Variants in ARHGEF11 observed in about 807,000 individuals in gnomAD.
The protein encoded by ARHGEF11 is Rho guanine exchange factor (GEF) 11.
Under a neutral mutation model 193.7 loss-of-function variants are expected in ARHGEF11, and 55 were observed. The ratio of observed to expected loss-of-function variants is 0.28; its 90% CI spans 0.23 to 0.36. The LOEUF is 0.36. Ranked by LOEUF, ARHGEF11 falls within the 10% of genes least tolerant of loss-of-function variation. ARHGEF11 has a pLI of 1.00. For missense variants in ARHGEF11, 1,723 were observed against 2,005.6 expected (o/e 0.86, Z 2.69); for synonymous variants, 693 against 768.0 (o/e 0.90, Z 1.62).
chr1:156,962,908 A>AAAT (rs1661159609), intron 13 of ARHGEF11, among the ~76,000 whole-genome samples: 1 of 146,036 alleles, frequency 6.8e-6, no homozygotes. Flanking sequence ...AAAAAAAAAA[A>AAAT]CTCTAGGAAG....
chr1:157,044,686 A>C lies in ARHGEF11; in HGVS notation c.-356T>G. The C allele has an allele frequency of 2.3e-6, 1 of 430,374 alleles. No individual in the cohort carries two copies. The highest frequency in any genetic ancestry group is 8.3e-5 in the South Asian group (1 of 12,096). 26.7% of individuals were successfully genotyped at this position (430,374 alleles called of 1,614,324 possible). On this transcript the variant is annotated 5_prime_UTR_variant, in exon 1 of 41. Coordinates refer to ENST00000368194, the MANE Select transcript of ARHGEF11 (RefSeq NM_198236.3). ...GGCCAAAAAAAAATGAATCACAGAA[A>C]AATGTGCCTTCAAAATATCACTGTT...
In ARHGEF11 at chr1:157,015,219, T is replaced by C. The variant is rs147804220; in HGVS notation, c.33-29046A>G. On this transcript the variant is annotated intron_variant, in intron 1 of 40. Transcript: ENST00000368194. Reference sequence around the variant, plus strand: ...TTCAGGAATTTCAGAGACTGCTTGATATAGTGGTTAAGAGGACAGAACCTA... The same window carrying C: ...TTCAGGAATTTCAGAGACTGCTTGACATAGTGGTTAAGAGGACAGAACCTA... 3.6e-4 allele frequency among the ~76,000 whole-genome samples: 55 copies of C among 152,288 alleles called. 1 individual carries two copies. In the East Asian group the frequency reaches 8.1e-3, roughly 22 times the overall value.
At chr1:156,982,291 G>A (rs538809502) in intron 3 of ARHGEF11, among the ~76,000 whole-genome samples, 4 of 152,172 alleles carry the variant, frequency 2.6e-5, no homozygotes, top group South Asian at 4.2e-4. Context: ...TTTTTAAAAA[G>A]TGTATTTCTT....
At chr1:156,949,729 T>C (rs1236857036) in intron 22 of ARHGEF11, among the ~76,000 whole-genome samples, 1 of 152,184 alleles carries the variant, frequency 6.6e-6, no homozygotes. Flanking sequence ...GTGGAGTTAC[T>C]GGGGCTGCAG....
intron 1 of ARHGEF11, among the ~76,000 whole-genome samples, chr1:157,007,334 A>G (rs1048900811): frequency 6.6e-6 from 1 of 152,132 alleles, no homozygotes; most frequent in Non-Finnish European, 1.5e-5. Context: ...AAAGAGAGTA[A>G]GAAGCATTGA....
rs770663437 is a variant in ARHGEF11, at chr1:156,960,428, C to T, written c.1272G>A (p.Gln424=). ...PLRVKIPEML[Q]AEIDSRLRNS... ...AATGAGCCAACTTACCAATTTCAGC[C>T]TGTAGCATCTCAGGGATCTTCACTC... Residue 424 remains glutamine (Q), a synonymous_variant, in exon 15 of 41, where the codon CAG becomes CAA. Transcript: ENST00000368194. 2 of 1,614,172 alleles carry T rather than the reference C, an allele frequency of 1.2e-6. No individual in the cohort carries two copies. The highest frequency in any genetic ancestry group is 2.2e-5 in the South Asian group (2 of 91,088).
Position 156,944,393 on chromosome 1 carries a change from G to A in ARHGEF11, c.3032C>T (p.Pro1011Leu), listed in dbSNP as rs758153538. 1.2e-6 allele frequency: 2 copies of A among 1,614,016 alleles called. No homozygotes were observed. The highest frequency in any genetic ancestry group is 2.2e-5 in the South Asian group (2 of 91,072). Residue 1011 changes from proline to leucine, a missense_variant, in exon 31 of 41, where the codon CCC (proline) becomes CTC (leucine). By Grantham distance (98) the Pro-to-Leu change is moderately conservative. Around this residue, in one of 5 missense-constraint regions of ARHGEF11, gnomAD observed 491 missense variants for 654.5 expected, o/e 0.75. Transcript: ENST00000368194. ...LTTRKMIHEGPLTWRISKDKT... is the reference protein window; with the variant it reads ...LTTRKMIHEGLLTWRISKDKT... The stretch of plus-strand genomic sequence containing the variant: ...ATCCTTGCTGATCCTCCAGGTCAGG[G>A]GTCCCTCATGGATCATTTTTCTGGT...
intron 6 of ARHGEF11, among the ~76,000 whole-genome samples, chr1:156,977,735 C>T (rs1251542161): frequency 6.6e-6 from 1 of 152,136 alleles, no homozygotes; most frequent in Non-Finnish European, 1.5e-5. Flanking sequence ...TTGTCCTTTT[C>T]TGGTCCCTCC....
intron 1 of ARHGEF11, among the ~76,000 whole-genome samples, chr1:157,031,804 G>A (rs1163994180): frequency 6.6e-6 from 1 of 152,190 alleles, no homozygotes; most frequent in Admixed American, 6.5e-5. Flanking sequence ...ACTCCTGCAA[G>A]GGTAGAACAA....
chr1:156,966,187 C>T (rs1411816955), intron 11 of ARHGEF11, among the ~76,000 whole-genome samples: 1 of 152,106 alleles, frequency 6.6e-6, no homozygotes, highest in African/African-American at 2.4e-5. Flanking sequence ...TTCCTTGTAC[C>T]ATTTCTCCCT....
At chr1:157,032,079 T>C (rs1557984179) in intron 1 of ARHGEF11, among the ~76,000 whole-genome samples, 2 of 152,254 alleles carry the variant, frequency 1.3e-5, no homozygotes, top group African/African-American at 4.8e-5. Flanking sequence ...TGTATGACTC[T>C]TCTGGGCTTT....
At chr1:156,971,975 T>A (rs113292522) in intron 7 of ARHGEF11, 159 bp from the exon 8 acceptor site, 4 of 850,982 alleles carry the variant, frequency 4.7e-6, no homozygotes, top group Non-Finnish European at 1.7e-6. Flanking sequence ...TATTTCAACA[T>A]CATTCAGGAT....
In ARHGEF11 at chr1:156,947,968, C is replaced by A. The variant is rs373719053; in HGVS notation, c.2154-12G>T. ...GGGACTCAATGCTCCTGGGGGAAAACAGGCAGCTCAGCTTCATTTAGGAGG... is the reference window on the plus strand; with the variant it reads ...GGGACTCAATGCTCCTGGGGGAAAAAAGGCAGCTCAGCTTCATTTAGGAGG... On this transcript the variant is annotated splice_polypyrimidine_tract_variant and intron_variant, in intron 24 of 40. Coordinates refer to ENST00000368194, the MANE Select transcript of ARHGEF11 (RefSeq NM_198236.3). The A allele has an allele frequency of 1.2e-5, 19 of 1,610,678 alleles. No individual in the cohort carries two copies. The African/African-American group carries it at 2.5e-4, about 22-fold the overall frequency.
rs915282393 is a variant in ARHGEF11 at position 156,989,195 on chromosome 1, T to A, written c.33-3022A>T. 3.9e-5 allele frequency among the ~76,000 whole-genome samples: 6 copies of A among 152,098 alleles called. No individual in the cohort carries two copies. In the East Asian group the frequency reaches 1.2e-3, roughly 29 times the overall value. On this transcript the variant is annotated intron_variant, in intron 1 of 40. Coordinates refer to ENST00000368194, the MANE Select transcript of ARHGEF11 (RefSeq NM_198236.3). ...AAATTTGTACTCTAAATGGCACCAC[T>A]GAGACAGATTTTCTGACCCAACTTC...
chr1:156,962,493 C>A (rs76570981), intron 13 of ARHGEF11, among the ~76,000 whole-genome samples: 3 of 152,266 alleles, frequency 2.0e-5, no homozygotes, highest in South Asian at 4.1e-4. Flanking sequence ...CACCTTCACA[C>A]GGAAGACCCT....
intron 1 of ARHGEF11, among the ~76,000 whole-genome samples, chr1:157,006,821 TGCCAGGAGCCTGA>T (rs1372892305): frequency 6.6e-6 from 1 of 152,202 alleles, no homozygotes; most frequent in African/African-American, 2.4e-5. Context: ...AAGTGTAATG[TGCCAGGAGCCTGA>T]GCCAGAAGAT....
At chr1:156,995,426 C>A (rs1666339892) in intron 1 of ARHGEF11, among the ~76,000 whole-genome samples, 1 of 152,170 alleles carries the variant, frequency 6.6e-6, no homozygotes, top group African/African-American at 2.4e-5. Context: ...CATTCCTCAG[C>A]GTTCAGCTTA....
chr1:156,936,443 G>A (rs1655136744), intron 40 of ARHGEF11, among the ~76,000 whole-genome samples: 3 of 134,188 alleles, frequency 2.2e-5, no homozygotes, highest in Admixed American at 8.2e-5. Flanking sequence ...ACCAGCCTGG[G>A]CAACATAGCC....
chr1:157,004,773 C>CT (rs1338269094), intron 1 of ARHGEF11, among the ~76,000 whole-genome samples: 1 of 152,206 alleles, frequency 6.6e-6, no homozygotes, highest in Non-Finnish European at 1.5e-5. Context: ...CCCTCATTCC[C>CT]TCCTTTACAT....
Sources: allele counts gnomAD v4.1 joint callset (sites outside exome capture counted in the v4.1 genomes callset), GRCh38; gene constraint gnomAD v4.1.1; regional missense constraint gnomAD v4.1.1; transcripts MANE v1.5; gene names NCBI Gene and HGNC (gene_info 2026-07-23, HGNC 2026-07-21).